Variants in FBXO31 observed in about 807,000 individuals in gnomAD.
FBXO31 encodes F-box only protein 31.
FBXO31 carries 24 observed loss-of-function variants against 54.4 expected under a neutral mutation model. The ratio of observed to expected loss-of-function variants is 0.44; its 90% CI spans 0.32 to 0.62. The LOEUF (loss-of-function observed/expected upper bound fraction) is 0.62. Ranked by LOEUF, FBXO31 falls within the 20% of genes least tolerant of loss-of-function variation. The probability of loss-of-function intolerance (pLI) is 0.05; values close to 1 mark genes in which losing one functional copy is unlikely to be tolerated. For missense variants in FBXO31, 665 were observed against 787.1 expected, an observed-to-expected ratio of 0.84 and a Z score of 1.86; for synonymous variants, 388 against 335.6, an observed-to-expected ratio of 1.16 and a Z score of -1.71.
At chr16:87,378,227 A>T (rs1906916122) in intron 1 of FBXO31, among the ~76,000 whole-genome samples, 1 of 152,174 alleles carries the variant, frequency 6.6e-6, no homozygotes, top group African/African-American at 2.4e-5. Context: ...AAATCAAAGA[A>T]AGGAAAAAAG....
rs866486185 is a variant in FBXO31, at chr16:87,333,190, A to G, written c.1397+696T>C. Among the ~76,000 whole-genome samples, 39 of 152,380 alleles carry G rather than the reference A, an allele frequency of 2.6e-4. 1 individual carries two copies. In the Middle Eastern group the frequency reaches 0.01, roughly 40 times the overall value. On this transcript the variant is annotated intron_variant, in intron 8 of 8. Coordinates refer to ENST00000311635, the MANE Select transcript of FBXO31 (RefSeq NM_024735.5). ...GTGGCCCAGACAAAACTGTATAAAA[A>G]AAGTCAGCGAGACAGGAGCTGGCAG...
intron 2 of FBXO31, among the ~76,000 whole-genome samples, chr16:87,352,332 T>C (rs935472938): frequency 1.3e-5 from 2 of 152,140 alleles, no homozygotes; most frequent in African/African-American, 4.8e-5. Context: ...ATTTAAAAGA[T>C]GAGAATGTGA....
chr16:87,382,218 T>C (rs1433158561), intron 1 of FBXO31, among the ~76,000 whole-genome samples: 1 of 152,242 alleles, frequency 6.6e-6, no homozygotes, highest in East Asian at 1.9e-4. Flanking sequence ...TGAAATACTA[T>C]GTAGCATTGT....
intron 1 of FBXO31, among the ~76,000 whole-genome samples, chr16:87,364,554 T>A (rs1261312373): frequency 6.6e-6 from 1 of 151,900 alleles, no homozygotes; most frequent in Non-Finnish European, 1.5e-5. Context: ...ACTATTCAGG[T>A]TGAACCAGAG....
chr16:87,349,948 A>G (rs1905574596), intron 2 of FBXO31, among the ~76,000 whole-genome samples: 1 of 152,088 alleles, frequency 6.6e-6, no homozygotes, highest in African/African-American at 2.4e-5. Flanking sequence ...AAAGCAGCAC[A>G]TACACAGTCA....
At chr16:87,351,407 G>T (rs924487634) in intron 2 of FBXO31, among the ~76,000 whole-genome samples, 60 of 151,440 alleles carry the variant, frequency 4.0e-4, no homozygotes, top group Admixed American at 1.8e-3. Flanking sequence ...GGGCTCTGGT[G>T]GCGGGGGAAA....
chr16:87,346,875 G>A lies in FBXO31; in HGVS notation c.489+299C>T, dbSNP rs551566781. On this transcript the variant is annotated intron_variant, in intron 3 of 8. Transcript: ENST00000311635. The surrounding 1 kb of genome is among the most constrained non-coding windows in gnomAD (Gnocchi z 4.2). ...TGGCTGAGGGCGGGCTCCAGACCCCGCCAACATGTGCGCGATGGGCCTCAG... is the reference window on the plus strand; with the variant it reads ...TGGCTGAGGGCGGGCTCCAGACCCCACCAACATGTGCGCGATGGGCCTCAG... Among the ~76,000 whole-genome samples, 4 of 152,298 alleles carry A rather than the reference G, an allele frequency of 2.6e-5. No homozygotes were observed. In the South Asian group the frequency reaches 6.2e-4, roughly 24 times the overall value.
upstream of FBXO31, chr16:87,384,031 T>G (rs1013800975): frequency 5.3e-5 from 10 of 189,230 alleles, no homozygotes; most frequent in African/African-American, 1.2e-4. Context: ...CTGCCCCGTG[T>G]GAGGCTCGAA....
upstream of FBXO31, chr16:87,384,041 A>T (rs1171234447): frequency 1.1e-5 from 2 of 182,292 alleles, no homozygotes; most frequent in Non-Finnish European, 2.3e-5. Context: ...TGAGGCTCGA[A>T]CTCACGACCT....
rs186273082 is a variant in FBXO31, at chr16:87,331,847, G to A, written c.1398-337C>T. Among the ~76,000 whole-genome samples, 279 of 152,340 alleles carry A rather than the reference G, an allele frequency of 1.8e-3. 1 individual carries two copies. The highest frequency in any genetic ancestry group is 0.01 in the Middle Eastern group (3 of 294). ...CAATGCTGAAACACTGAACTAAAAC[G>A]AGGTCTCTGCAGGCCCAGAGAGCTC... On this transcript the variant is annotated intron_variant, in intron 8 of 8. Coordinates refer to ENST00000311635, the MANE Select transcript of FBXO31 (RefSeq NM_024735.5).
At chr16:87,381,385 G>C (rs993984193) in intron 1 of FBXO31, among the ~76,000 whole-genome samples, 1 of 152,174 alleles carries the variant, frequency 6.6e-6, no homozygotes, top group Non-Finnish European at 1.5e-5. Flanking sequence ...ATTTAGGGGA[G>C]AGGGCTTCAC....
In FBXO31 at chr16:87,358,164, T is replaced by C. The variant is rs1054915367; in HGVS notation, c.412+2131A>G. ...TGTGCATTAAAGTGATCTCGACTGGTAGTACCCAGAAACCACTGCAGAAAG... is the reference window on the plus strand; with the variant it reads ...TGTGCATTAAAGTGATCTCGACTGGCAGTACCCAGAAACCACTGCAGAAAG... On this transcript the variant is annotated intron_variant, in intron 2 of 8. Transcript: ENST00000311635. This position sits in a 1 kb window ranked among gnomAD's most constrained non-coding sequence, Gnocchi z 4.0. 2.0e-5 allele frequency among the ~76,000 whole-genome samples: 3 copies of C among 152,202 alleles called. No individual in the cohort carries two copies. Among genetic ancestry groups the C allele is most frequent in the South Asian group, 4.1e-4 (2 of 4,834 alleles).
intron 1 of FBXO31, among the ~76,000 whole-genome samples, chr16:87,374,245 AG>A (rs951738440): frequency 6.6e-6 from 1 of 151,762 alleles, no homozygotes; most frequent in African/African-American, 2.4e-5. Context: ...CTCCACAAAA[AG>A]AAAAAAAAAA....
intron 2 of FBXO31, among the ~76,000 whole-genome samples, chr16:87,347,680 C>CAAAA (rs34496343): frequency 6.8e-5 from 4 of 58,998 alleles, no homozygotes; most frequent in African/African-American, 2.0e-4. Flanking sequence ...ACTCAGTCTC[C>CAAAA]AAAAAAAAAA....
chr16:87,334,123 T>C lies in FBXO31; in HGVS notation c.1160A>G (p.Glu387Gly). 15 of 1,611,320 alleles carry C rather than the reference T, an allele frequency of 9.3e-6. No homozygotes were observed. The highest frequency in any genetic ancestry group is 1.2e-5 in the Non-Finnish European group (14 of 1,178,946). Residue 387 changes from glutamate to glycine, a missense_variant, in exon 8 of 9, where the codon GAG (glutamate) becomes GGG (glycine). Transcript: ENST00000311635. ...VRQEQQEGGH[E>G]AGEGRGRQGP... The stretch of plus-strand genomic sequence containing the variant: ...CTGCCGGCCACGACCCTCGCCCGCC[T>C]CGTGCCCGCCTTCCTGCTGCTCCTG...
intron 2 of FBXO31, among the ~76,000 whole-genome samples, chr16:87,356,288 C>T (rs1905888981): frequency 6.6e-6 from 1 of 151,988 alleles, no homozygotes; most frequent in South Asian, 2.1e-4. Context: ...CCTGTCAGCA[C>T]CAAGGAGAGA....
Position 87,383,381 on chromosome 16 carries a change from G to T in FBXO31, c.340+24C>A. On this transcript the variant is annotated intron_variant, in intron 1 of 8. Transcript: ENST00000311635. This position sits in a 1 kb window ranked among gnomAD's most constrained non-coding sequence, Gnocchi z 4.9. ...TGGCAGGGACCCCCCGCCCCTCCCG[G>T]CCCCGCCACCCCCGCGCGCTCACCC... 1 of 1,417,882 alleles carries T rather than the reference G, an allele frequency of 7.1e-7. No homozygotes were observed. Among genetic ancestry groups the T allele is most frequent in the Non-Finnish European group, 9.6e-7 (1 of 1,041,928 alleles). 87.8% of individuals were successfully genotyped at this position (1,417,882 alleles called of 1,614,324 possible).
chr16:87,363,275 T>C (rs903418724), intron 1 of FBXO31, among the ~76,000 whole-genome samples: 7 of 152,008 alleles, frequency 4.6e-5, no homozygotes, highest in African/African-American at 1.7e-4. Flanking sequence ...TCCCAGCTGC[T>C]AGGGAGGCTG....
At chr16:87,385,546 CATAAATT>C (rs1222060041), upstream of FBXO31, among the ~76,000 whole-genome samples, 3 of 151,728 alleles carry the variant, frequency 2.0e-5, no homozygotes, top group African/African-American at 7.3e-5. Flanking sequence ...TAGATAAATA[CATAAATT>C]ATAAATTGTA....
Sources: allele counts gnomAD v4.1 joint callset (sites outside exome capture counted in the v4.1 genomes callset), GRCh38; gene constraint gnomAD v4.1.1; non-coding constraint Gnocchi (gnomAD v3.1); transcripts MANE v1.5; gene names NCBI Gene and HGNC (gene_info 2026-07-23, HGNC 2026-07-21).